ARID4B: variants seen among roughly 807,000 people sequenced by gnomAD.
ARID4B encodes the protein AT-rich interaction domain 4B, also known as AT-rich interactive domain-containing protein 4B.
Under a neutral mutation model 147.5 loss-of-function variants are expected in ARID4B, and 26 were observed. The observed-to-expected ratio is 0.18, with a 90% CI of 0.13 to 0.24. The LOEUF is 0.24. Among genes scored for constraint, ARID4B ranks in the 10% least tolerant of loss-of-function variants. The pLI is 1.00. For missense variants in ARID4B, 1,179 were observed against 1,511.5 expected, an observed-to-expected ratio of 0.78 and a Z score of 3.65; for synonymous variants, 512 against 507.9, an observed-to-expected ratio of 1.01 and a Z score of -0.11.
At position 235,243,611 on chromosome 1, in the gene ARID4B, T is replaced by C. The variant is rs528185565; in HGVS notation, c.446+2809A>G. On this transcript the variant is annotated intron_variant, in intron 7 of 23. Coordinates refer to ENST00000264183, the MANE Select transcript of ARID4B (RefSeq NM_016374.6). Reference sequence around the variant, plus strand: ...CTTCACTATTAACTCTAATTAGTTGTAAATCAAGAAAGACGAACTTTAGAC... The same window carrying C: ...CTTCACTATTAACTCTAATTAGTTGCAAATCAAGAAAGACGAACTTTAGAC... Among the ~76,000 whole-genome samples, 4 of 152,258 alleles carry C rather than the reference T, an allele frequency of 2.6e-5. No individual in the cohort carries two copies. In the East Asian group the frequency reaches 7.7e-4, roughly 29 times the overall value.
intron 19 of ARID4B, among the ~76,000 whole-genome samples, chr1:235,188,126 G>T (rs185577673): frequency 5.9e-5 from 9 of 151,946 alleles, no homozygotes; most frequent in Admixed American, 4.6e-4. Flanking sequence ...TGGGGTCATT[G>T]TATATGTGTT....
intron 2 of ARID4B, among the ~76,000 whole-genome samples, chr1:235,291,651 C>T (rs984753585): frequency 3.3e-5 from 5 of 151,248 alleles, no homozygotes; most frequent in African/African-American, 9.8e-5. Flanking sequence ...GCCTGGCCAA[C>T]GTGGCCAAAC....
At chr1:235,296,091 G>T (rs765294090) in intron 2 of ARID4B, 28 of 171,192 alleles carry the variant, frequency 1.6e-4, no homozygotes, top group South Asian at 3.0e-4. Flanking sequence ...AAACCAGCTT[G>T]ACCACTATGC....
chr1:235,236,225 T>C (rs1668544109), intron 8 of ARID4B, among the ~76,000 whole-genome samples: 1 of 152,200 alleles, frequency 6.6e-6, no homozygotes, highest in African/African-American at 2.4e-5. Flanking sequence ...TTTTTCACTC[T>C]AGTTACCAAA....
At chr1:235,322,007 G>A (rs1011688755) in intron 2 of ARID4B, among the ~76,000 whole-genome samples, 1 of 151,676 alleles carries the variant, frequency 6.6e-6, no homozygotes, top group African/African-American at 2.4e-5. Context: ...AACTTTCAAT[G>A]GTTCCATGTA....
intron 2 of ARID4B, among the ~76,000 whole-genome samples, chr1:235,267,402 A>G (rs545276283): frequency 2.6e-5 from 4 of 152,284 alleles, no homozygotes; most frequent in Non-Finnish European, 5.9e-5. Context: ...TATTAAAATA[A>G]TGGAGATAAT....
chr1:235,322,625 G>A (rs1054036414), intron 2 of ARID4B, among the ~76,000 whole-genome samples: 2 of 152,094 alleles, frequency 1.3e-5, no homozygotes, highest in Non-Finnish European at 2.9e-5. Context: ...ATTATTTTAT[G>A]TTGGAATACT....
intron 3 of ARID4B, among the ~76,000 whole-genome samples, chr1:235,259,908 G>A (rs1464849901): frequency 2.0e-5 from 3 of 152,168 alleles, no homozygotes; most frequent in Non-Finnish European, 4.4e-5. Flanking sequence ...ATTCCTTGAG[G>A]ACAGATCAGG....
At chr1:235,250,046 G>A (rs1393736111) in intron 6 of ARID4B, among the ~76,000 whole-genome samples, 1 of 151,950 alleles carries the variant, frequency 6.6e-6, no homozygotes, top group East Asian at 1.9e-4. Flanking sequence ...GGCGGAGCTT[G>A]CAGTGAGCCG....
chr1:235,236,833 A>ATATATATATATATATATATATAT (rs1668597409), intron 8 of ARID4B, among the ~76,000 whole-genome samples: 1 of 33,522 alleles, frequency 3.0e-5, no homozygotes, highest in African/African-American at 1.5e-4. Flanking sequence ...TTTTATAAAA[A>ATATATATATATATATATATATAT]ATATATATAT....
chr1:235,251,039 T>A (rs1669611017), intron 6 of ARID4B, among the ~76,000 whole-genome samples: 1 of 152,140 alleles, frequency 6.6e-6, no homozygotes, highest in African/African-American at 2.4e-5. Context: ...CTGTACTTTA[T>A]CACTATACTT....
chr1:235,240,243 G>C, intron 8 of ARID4B, 70 bp downstream of exon 8: 1 of 1,356,304 alleles, frequency 7.4e-7, no homozygotes, highest in Non-Finnish European at 1.0e-6. Context: ...AAAAACATTA[G>C]TAAGAAAATT....
intron 7 of ARID4B, 169 bp from the exon 8 acceptor site, chr1:235,240,620 T>C: frequency 1.5e-6 from 1 of 652,028 alleles, no homozygotes; most frequent in Non-Finnish European, 2.6e-6. Flanking sequence ...CAGCAAGAGT[T>C]TATCATGAGA....
At position 235,298,690 on chromosome 1, in the gene ARID4B, A is replaced by G. The variant is rs1397758244; in HGVS notation, c.6+28224T>C. On this transcript the variant is annotated intron_variant, in intron 2 of 23. Transcript: ENST00000264183. Reference sequence around the variant, plus strand: ...ATTTGTTTAGCAGAATTGTATTTACATATAGCGTTTCATTCTACTTCAATT... The same window carrying G: ...ATTTGTTTAGCAGAATTGTATTTACGTATAGCGTTTCATTCTACTTCAATT... Among the ~76,000 whole-genome samples, 6 of 152,096 alleles carry G rather than the reference A, an allele frequency of 3.9e-5. No individual in the cohort carries two copies. In the East Asian group the frequency reaches 7.7e-4, roughly 20 times the overall value.
At chr1:235,307,483 G>T (rs1193184308) in intron 2 of ARID4B, among the ~76,000 whole-genome samples, 1 of 152,104 alleles carries the variant, frequency 6.6e-6, no homozygotes, top group Admixed American at 6.5e-5. Flanking sequence ...AAGAAAAAAA[G>T]AAAATGTTTC....
At chr1:235,309,475 G>A (rs1384494563) in intron 2 of ARID4B, among the ~76,000 whole-genome samples, 5 of 146,378 alleles carry the variant, frequency 3.4e-5, no homozygotes, top group African/African-American at 7.6e-5. Context: ...GGTAAGGGGC[G>A]CCTCTGCCCG....
intron 2 of ARID4B, among the ~76,000 whole-genome samples, chr1:235,281,507 T>C (rs1671671434): frequency 6.6e-6 from 1 of 151,910 alleles, no homozygotes; most frequent in Non-Finnish European, 1.5e-5. Flanking sequence ...GCCAAGATCA[T>C]GCCACTGCAC....
At chr1:235,199,908 A>G (rs901332379) in intron 17 of ARID4B, among the ~76,000 whole-genome samples, 2 of 152,160 alleles carry the variant, frequency 1.3e-5, no homozygotes, top group Non-Finnish European at 2.9e-5. Context: ...TGCTTTTAAA[A>G]ATAAGAAATG....
At chr1:235,186,094 T>C (rs573461822) in intron 19 of ARID4B, among the ~76,000 whole-genome samples, 11 of 151,364 alleles carry the variant, frequency 7.3e-5, no homozygotes, top group South Asian at 6.3e-4. Context: ...CTCAGCCTCC[T>C]GAGTAGCTGG....
Sources: gnomAD v4.1 joint callset for allele counts (sites outside exome capture counted in the v4.1 genomes callset) on GRCh38, gnomAD v4.1.1 for gene constraint, MANE v1.5 for transcripts, NCBI Gene and HGNC (gene_info 2026-07-23, HGNC 2026-07-21) for gene names.